The following CD99L2 variants were observed in gnomAD, a reference collection of about 807,000 sequenced individuals.
CD99L2 encodes the protein CD99 antigen-like protein 2.
In CD99L2, 24 loss-of-function variants were observed where a neutral mutation model predicts 27.3. The ratio of observed to expected loss-of-function variants is 0.88; its 90% confidence interval spans 0.64 to 1.24. The LOEUF (loss-of-function observed/expected upper bound fraction) is 1.24. Ranked by LOEUF, CD99L2 falls within the 50% of genes most tolerant of loss-of-function variation. The probability of loss-of-function intolerance (pLI) is 0.00; values close to 1 mark genes in which losing one functional copy is unlikely to be tolerated. For synonymous variants in CD99L2, 97 were observed against 87.9 expected, an observed-to-expected ratio of 1.10 and a Z score of -0.58; for missense variants, 255 against 221.6, an observed-to-expected ratio of 1.15 and a Z score of -0.96.
Position 150,777,516 on chromosome X carries a change from A to G in CD99L2, c.497-34T>C, listed in dbSNP as rs782412063. 8 of 1,203,515 alleles carry G rather than the reference A, an allele frequency of 6.6e-6. No individual in the cohort carries two copies. The Admixed American group carries it at 1.3e-4, about 20-fold the overall frequency. On this transcript the variant is annotated intron_variant, in intron 7 of 10. Transcript: ENST00000370377. ...AAGACAAAAGCACTTAGTGCCAGCG[A>G]CCAGCCAGCTCAGGCTCGAGCTCGG... is the stretch of plus-strand genomic sequence containing the variant.
At chrX:150,797,001 C>A (rs782762992) in intron 4 of CD99L2, among the ~76,000 whole-genome samples, 1 of 111,040 alleles carries the variant, frequency 9.0e-6, no homozygotes, top group Non-Finnish European at 1.9e-5. Context: ...TAAAGCAGTG[C>A]AGAGAGAAGT....
chrX:150,855,177 A>G (rs2046854471), intron 1 of CD99L2, among the ~76,000 whole-genome samples: 1 of 111,896 alleles, frequency 8.9e-6, no homozygotes. Flanking sequence ...AACACCTGGT[A>G]CCTGTGAATG....
intron 7 of CD99L2, among the ~76,000 whole-genome samples, chrX:150,779,847 A>ATATTCTTAGTACAAGTGTTTACATGCAG: frequency 8.9e-6 from 1 of 112,466 alleles, no homozygotes. Flanking sequence ...CTGAAAATGG[A>ATATTCTTAGTACAAGTGTTTACATGCAG]AAAGATCAGA....
At chrX:150,875,683 T>G (rs192142021) in intron 1 of CD99L2, among the ~76,000 whole-genome samples, 1,858 of 112,132 alleles carry the variant, frequency 0.017, 24 homozygotes, top group African/African-American at 0.04. Context: ...CCATGTGATG[T>G]GGGAGGGACC....
chrX:150,855,677 T>G (rs782001875), intron 1 of CD99L2, among the ~76,000 whole-genome samples: 1 of 110,924 alleles, frequency 9.0e-6, no homozygotes, highest in Non-Finnish European at 1.9e-5. Flanking sequence ...GGTGTCCTTA[T>G]AAGAAGAGCA....
At chrX:150,826,385 TAC>T (rs1375035465) in intron 2 of CD99L2, among the ~76,000 whole-genome samples, 5 of 111,685 alleles carry the variant, frequency 4.5e-5, no homozygotes, top group African/African-American at 1.6e-4. Flanking sequence ...ATGAGATGAT[TAC>T]ACACACAGAG....
chrX:150,842,496 C>T (rs1244479365), intron 1 of CD99L2, among the ~76,000 whole-genome samples: 1 of 112,088 alleles, frequency 8.9e-6, no homozygotes, highest in African/African-American at 3.2e-5. Flanking sequence ...CTGATTGAAA[C>T]GTCTGATCCT....
chrX:150,836,525 C>A (rs1557421206), intron 1 of CD99L2, among the ~76,000 whole-genome samples: 1 of 110,428 alleles, frequency 9.1e-6, no homozygotes, highest in Non-Finnish European at 1.9e-5. Context: ...TGGGGTTTTT[C>A]CATGTTGGTC....
intron 1 of CD99L2, among the ~76,000 whole-genome samples, chrX:150,888,605 T>C (rs1603323170): frequency 8.9e-6 from 1 of 112,203 alleles, no homozygotes; most frequent in East Asian, 2.8e-4. Flanking sequence ...AAATGGTAAA[T>C]GTTATGTGTA....
chrX:150,770,644 G>A (rs782181887), intron 9 of CD99L2, among the ~76,000 whole-genome samples: 1 of 113,105 alleles, frequency 8.8e-6, no homozygotes, highest in Non-Finnish European at 1.9e-5. Context: ...TAGGGCAGCT[G>A]CCACCGCGTC....
chrX:150,816,134 G>A, intron 2 of CD99L2, 56 bp from the exon 3 acceptor site: 1 of 1,104,519 alleles, frequency 9.1e-7, no homozygotes, highest in Non-Finnish European at 1.3e-6. Flanking sequence ...AAACACAGCA[G>A]CTACTTTATG....
chrX:150,898,625 T>A lies in CD99L2; in HGVS notation c.-37A>T, dbSNP rs1160380246. On this transcript the variant is annotated 5_prime_UTR_variant, in exon 1 of 11. Transcript: ENST00000370377. ...GGCGGAGGGCCCCGGAGGAGCACAG[T>A]TAGCGCGAGAGCGCCCGAAGGGGAG... 5 of 1,069,832 alleles carry A rather than the reference T, an allele frequency of 4.7e-6. No homozygotes were observed. Among genetic ancestry groups the A allele is most frequent in the Admixed American group, 8.1e-5 (2 of 24,834 alleles). 88.2% of individuals were successfully genotyped at this position (1,069,832 alleles called of 1,213,427 possible). A position where few individuals can be genotyped will look rare whatever the true frequency, so the allele number is the denominator to read the frequency against.
intron 1 of CD99L2, among the ~76,000 whole-genome samples, chrX:150,877,998 ACACAC>A (rs1439827384): frequency 1.9e-5 from 2 of 102,664 alleles, no homozygotes; most frequent in East Asian, 5.8e-4. Context: ...ACACACACAC[ACACAC>A]ACCAGTAGCT....
chrX:150,777,452 GGGTCGTCAT>G lies in CD99L2; in HGVS notation c.518_526del (p.Asn173_Pro176delinsThr), dbSNP rs1557419297. 1 of 1,211,839 alleles carries G rather than the reference GGGTCGTCAT, an allele frequency of 8.3e-7. No individual in the cohort carries two copies. The highest frequency in any genetic ancestry group is 1.8e-5 in the South Asian group (1 of 56,986). On this transcript the variant is annotated inframe_deletion, in exon 8 of 11. Transcript: ENST00000370377. Reference sequence around the variant, plus strand: ...AGGATTCAGAAACCCACCAGATCCAGGGTCGTCATTGCTGCCGTACCGGCCATCACCTGA... The same window carrying G: ...AGGATTCAGAAACCCACCAGATCCAGTGCTGCCGTACCGGCCATCACCTGA...
In CD99L2 at chrX:150,843,999, G is replaced by A. The variant is rs150303858; in HGVS notation, c.68-12706C>T. On this transcript the variant is annotated intron_variant, in intron 1 of 10. Transcript: ENST00000370377. ...TATAACATGGACCAGAATCAAAGTT[G>A]GACCTGAGGGATTGAATCGTGACCC... is the stretch of plus-strand genomic sequence containing the variant. Among the ~76,000 whole-genome samples the A allele has an allele frequency of 8.8e-3, 984 of 112,029 alleles. 11 individuals carry two copies. Among genetic ancestry groups the A allele is most frequent in the African/African-American group, 0.03 (938 of 30,811 alleles).
chrX:150,771,710 G>T (rs1485287549), intron 9 of CD99L2: 12 of 990,252 alleles, frequency 1.2e-5, no homozygotes, highest in Non-Finnish European at 1.4e-5. Flanking sequence ...GAAGCAGGAG[G>T]GAGAAGAGCG....
chrX:150,879,350 G>T, intron 1 of CD99L2, among the ~76,000 whole-genome samples: 1 of 111,813 alleles, frequency 8.9e-6, no homozygotes, highest in African/African-American at 3.3e-5. Flanking sequence ...TGAGTGGAAA[G>T]AATTAAGAAA....
At chrX:150,824,221 A>G (rs1414654230) in intron 2 of CD99L2, among the ~76,000 whole-genome samples, 2 of 61,260 alleles carry the variant, frequency 3.3e-5, no homozygotes, top group African/African-American at 6.5e-5. Flanking sequence ...AGGAGGAGGA[A>G]GAGGAAGAAG....
At chrX:150,769,232 C>T in intron 10 of CD99L2, 131 bp from the exon 11 acceptor site, 1 of 750,508 alleles carries the variant, frequency 1.3e-6, no homozygotes, top group African/African-American at 2.2e-5. Flanking sequence ...GCTTAGCAAC[C>T]TTCCCTCCTG....
Sources: gnomAD v4.1 joint callset for allele counts (sites outside exome capture counted in the v4.1 genomes callset) on GRCh38, gnomAD v4.1.1 for gene constraint, MANE v1.5 for transcripts, NCBI Gene and HGNC (gene_info 2026-07-23, HGNC 2026-07-21) for gene names.